EMCN: variants seen among roughly 807,000 people sequenced by gnomAD.
The protein encoded by EMCN is endomucin.
A neutral mutation model predicts 38.4 loss-of-function variants in EMCN; 37 were observed. The observed-to-expected ratio is 0.96, with a 90% CI of 0.74 to 1.27. EMCN has a LOEUF of 1.27. Among genes scored for constraint, EMCN ranks in the 50% most tolerant of loss-of-function variants. The pLI is 0.00. For missense variants in EMCN, 318 were observed against 302.8 expected, an observed-to-expected ratio of 1.05 and a Z score of -0.37; for synonymous variants, 95 against 100.8, an observed-to-expected ratio of 0.94 and a Z score of 0.35.
chr4:100,517,136 T>C (rs1437008911), intron 1 of EMCN, among the ~76,000 whole-genome samples: 3 of 152,132 alleles, frequency 2.0e-5, no homozygotes, highest in Admixed American at 6.6e-5. Flanking sequence ...TAAATCGTTC[T>C]TGAAATTGTC....
intron 4 of EMCN, among the ~76,000 whole-genome samples, chr4:100,462,365 C>T (rs1400317372): frequency 6.6e-6 from 1 of 152,132 alleles, no homozygotes; most frequent in East Asian, 1.9e-4. Context: ...AGAGAGCATT[C>T]TACTTCATGA....
At chr4:100,431,600 T>G (rs958123808) in intron 5 of EMCN, among the ~76,000 whole-genome samples, 1 of 152,220 alleles carries the variant, frequency 6.6e-6, no homozygotes, top group South Asian at 2.1e-4. Context: ...AGACTGGAAC[T>G]TATGCCATCA....
At chr4:100,441,122 A>G (rs940889001) in intron 5 of EMCN, among the ~76,000 whole-genome samples, 1 of 152,072 alleles carries the variant, frequency 6.6e-6, no homozygotes, top group East Asian at 1.9e-4. Context: ...AAGTCCTTCA[A>G]TATTATAATA....
At chr4:100,509,005 C>G (rs1474460244) in intron 1 of EMCN, among the ~76,000 whole-genome samples, 4 of 152,132 alleles carry the variant, frequency 2.6e-5, no homozygotes, top group Non-Finnish European at 5.9e-5. Context: ...TAACTGAAAA[C>G]AAATCTAGGA....
intron 7 of EMCN, among the ~76,000 whole-genome samples, chr4:100,422,033 C>T (rs891518676): frequency 6.6e-6 from 1 of 151,838 alleles, no homozygotes; most frequent in African/African-American, 2.4e-5. Flanking sequence ...TTCCTTCTTT[C>T]CTTCTTTTCT....
chr4:100,434,567 A>T (rs959878006), intron 5 of EMCN, among the ~76,000 whole-genome samples: 4 of 152,168 alleles, frequency 2.6e-5, no homozygotes, highest in Non-Finnish European at 5.9e-5. Context: ...GCAGAGATAC[A>T]ACAAAAATAT....
chr4:100,517,431 C>T lies in EMCN; in HGVS notation c.64+420G>A, dbSNP rs112913611. The stretch of plus-strand genomic sequence containing the variant: ...AGCTGAAAAATAGTTGGGAAAAATA[C>T]AGGCTAACATCTGCAATATAATGTC... On this transcript the variant is annotated intron_variant, in intron 1 of 11. Coordinates refer to ENST00000296420, the MANE Select transcript of EMCN (RefSeq NM_016242.4). 3.9e-4 allele frequency among the ~76,000 whole-genome samples: 59 copies of T among 152,156 alleles called. 2 individuals carry two copies. The highest frequency in any genetic ancestry group is 1.3e-3 in the African/African-American group (53 of 41,544).
chr4:100,436,003 G>GCGA (rs1727341691), intron 5 of EMCN, among the ~76,000 whole-genome samples: 4 of 152,078 alleles, frequency 2.6e-5, no homozygotes, highest in Non-Finnish European at 5.9e-5. Flanking sequence ...AAAAGCAATT[G>GCGA]CAACAAAAGC....
At chr4:100,473,365 G>GGTTTTTTTTTTTTTTT (rs1728533364) in intron 3 of EMCN, among the ~76,000 whole-genome samples, 1 of 29,840 alleles carries the variant, frequency 3.4e-5, no homozygotes, top group African/African-American at 8.1e-5. Flanking sequence ...CCCGTTTCGT[G>GGTTTTTTTTTTTTTTT]TTTTTTTGTT....
chr4:100,428,251 C>A (rs570509475), intron 5 of EMCN, among the ~76,000 whole-genome samples: 1 of 152,236 alleles, frequency 6.6e-6, no homozygotes, highest in African/African-American at 2.4e-5. Context: ...TTTAAACATG[C>A]CAGGCCTCTC....
chr4:100,484,310 T>G (rs1214081884), intron 1 of EMCN, among the ~76,000 whole-genome samples: 2 of 152,172 alleles, frequency 1.3e-5, no homozygotes, highest in Admixed American at 1.3e-4. Context: ...AGTTGGAAAC[T>G]AAATATATTT....
intron 5 of EMCN, among the ~76,000 whole-genome samples, chr4:100,440,146 G>A (rs1727470209): frequency 6.6e-6 from 1 of 152,144 alleles, no homozygotes; most frequent in Non-Finnish European, 1.5e-5. Context: ...GGTCTAATGG[G>A]TGAAAAGTGC....
intron 5 of EMCN, among the ~76,000 whole-genome samples, chr4:100,444,487 C>T (rs1218664795): frequency 1.3e-5 from 2 of 151,978 alleles, no homozygotes; most frequent in Non-Finnish European, 2.9e-5. Context: ...TCATCTATGG[C>T]ATTGAGGGGC....
At chr4:100,440,838 C>G (rs751963878) in intron 5 of EMCN, among the ~76,000 whole-genome samples, 1 of 151,994 alleles carries the variant, frequency 6.6e-6, no homozygotes, top group African/African-American at 2.4e-5. Flanking sequence ...GTAATACCAG[C>G]ACTTTGGGAG....
At chr4:100,491,849 G>C (rs1027621157) in intron 1 of EMCN, among the ~76,000 whole-genome samples, 11 of 152,252 alleles carry the variant, frequency 7.2e-5, no homozygotes, top group East Asian at 1.9e-4. Flanking sequence ...CTCTGACCAG[G>C]GTTGTTACCA....
chr4:100,415,193 G>A lies in EMCN; in HGVS notation c.751+705C>T, dbSNP rs546000636. On this transcript the variant is annotated intron_variant, in intron 10 of 11. Coordinates refer to ENST00000296420, the MANE Select transcript of EMCN (RefSeq NM_016242.4). ...ATTACAGGCATGAGCCATAGCTCCC[G>A]GCCAGATTATTTTATAAAACTAATA... Among the ~76,000 whole-genome samples, 19 of 152,258 alleles carry A rather than the reference G, an allele frequency of 1.2e-4. No individual in the cohort carries two copies. In the East Asian group the frequency reaches 2.3e-3, roughly 19 times the overall value.
chr4:100,475,851 TG>T (rs1339952062), intron 2 of EMCN, among the ~76,000 whole-genome samples: 1 of 151,834 alleles, frequency 6.6e-6, no homozygotes, highest in African/African-American at 2.4e-5. Context: ...CTAATTTTTT[TG>T]TATTTTTTGT....
chr4:100,415,976 A>AG lies in EMCN; in HGVS notation c.690-18_690-17insC. 1 of 1,547,112 alleles carries AG rather than the reference A, an allele frequency of 6.5e-7. No individual in the cohort carries two copies. Among genetic ancestry groups the AG allele is most frequent in the Non-Finnish European group, 8.8e-7 (1 of 1,137,050 alleles). Reference sequence around the variant, plus strand: ...GACTGAGGTCTATTTGAAAAAAAAAACATGAAATTAACACCACAGTAATCA... The same window carrying AG: ...GACTGAGGTCTATTTGAAAAAAAAAAGCATGAAATTAACACCACAGTAATCA... On this transcript the variant is annotated splice_polypyrimidine_tract_variant and intron_variant, in intron 9 of 11. Coordinates refer to ENST00000296420, the MANE Select transcript of EMCN (RefSeq NM_016242.4).
At chr4:100,505,614 A>C (rs1308525859) in intron 1 of EMCN, among the ~76,000 whole-genome samples, 6 of 152,072 alleles carry the variant, frequency 3.9e-5, no homozygotes, top group Non-Finnish European at 7.4e-5. Context: ...TGAAAAGTGC[A>C]CTTTTGAGGA....
Sources: allele counts gnomAD v4.1 joint callset (sites outside exome capture counted in the v4.1 genomes callset), GRCh38; gene constraint gnomAD v4.1.1; transcripts MANE v1.5; gene names NCBI Gene and HGNC (gene_info 2026-07-23, HGNC 2026-07-21).